The following DLGAP1 variants were observed in gnomAD, a reference collection of about 807,000 sequenced individuals.
DLGAP1 encodes the protein DLG associated protein 1, also known as disks large-associated protein 1.
Under a neutral mutation model 90.8 loss-of-function variants are expected in DLGAP1, and 11 were observed. The observed-to-expected ratio is 0.12, with a 90% CI of 0.08 to 0.20. The LOEUF is 0.20. DLGAP1 is among the 10% of genes least tolerant of loss of function. The pLI, the probability that DLGAP1 is intolerant of heterozygous loss-of-function variation, is 1.00. For synonymous variants in DLGAP1, 558 were observed against 540.7 expected (o/e 1.03, Z -0.44); for missense variants, 1,050 against 1,333.8 (o/e 0.79, Z 3.31).
chr18:3,694,531 C>T (rs150052249), intron 7 of DLGAP1, among the ~76,000 whole-genome samples: 23,592 of 152,176 alleles, frequency 0.16, 2,228 homozygotes, highest in East Asian at 0.43. Context: ...TTCTCCACAT[C>T]CTCTCCAGCA....
intron 10 of DLGAP1, among the ~76,000 whole-genome samples, chr18:3,511,210 G>T (rs1485450913): frequency 2.6e-5 from 4 of 152,114 alleles, no homozygotes; most frequent in African/African-American, 4.8e-5. Context: ...ATATTTCCTT[G>T]TCCTCCACAC....
At chr18:3,943,410 T>C (rs1319790600) in intron 3 of DLGAP1, among the ~76,000 whole-genome samples, 1 of 150,026 alleles carries the variant, frequency 6.7e-6, no homozygotes, top group Non-Finnish European at 1.5e-5. Context: ...TTTAAGGTGA[T>C]AAACTGCAAA....
chr18:3,784,696 G>A (rs984139350), intron 5 of DLGAP1, among the ~76,000 whole-genome samples: 16 of 152,330 alleles, frequency 1.1e-4, no homozygotes, highest in Admixed American at 1.0e-3. Context: ...TCCAGGCCCA[G>A]TCTGGATCCA....
At chr18:3,687,495 A>G (rs974590409) in intron 7 of DLGAP1, among the ~76,000 whole-genome samples, 2 of 152,234 alleles carry the variant, frequency 1.3e-5, no homozygotes, top group African/African-American at 4.8e-5. Context: ...AAACATGATG[A>G]TGATCTTATC....
At chr18:4,076,401 T>C (rs2075523608) in intron 2 of DLGAP1, among the ~76,000 whole-genome samples, 1 of 152,158 alleles carries the variant, frequency 6.6e-6, no homozygotes, top group South Asian at 2.1e-4. Context: ...AAATTAGATA[T>C]TGATAAGCAA....
At chr18:4,125,199 T>C (rs8087952) in intron 2 of DLGAP1, among the ~76,000 whole-genome samples, 27,812 of 152,166 alleles carry the variant, frequency 0.18, 2,640 homozygotes, top group Admixed American at 0.24. Flanking sequence ...GGGGTGCTTA[T>C]GGGTGATGGA....
intron 9 of DLGAP1, among the ~76,000 whole-genome samples, chr18:3,539,490 T>G (rs1157167263): frequency 6.6e-6 from 1 of 152,244 alleles, no homozygotes; most frequent in Non-Finnish European, 1.5e-5. Flanking sequence ...AACACAATAC[T>G]CTGTCTGTTC....
intron 3 of DLGAP1, among the ~76,000 whole-genome samples, chr18:3,967,202 A>G (rs572108287): frequency 1.3e-5 from 2 of 152,366 alleles, no homozygotes; most frequent in South Asian, 4.1e-4. Context: ...AGGGCATTCC[A>G]TAAATACTAA....
intron 8 of DLGAP1, among the ~76,000 whole-genome samples, chr18:3,581,230 C>G (rs1420943119): frequency 1.3e-5 from 2 of 152,208 alleles, no homozygotes; most frequent in Non-Finnish European, 2.9e-5. Context: ...GACACAGTCC[C>G]TCTGGGAGAG....
At chr18:3,821,751 G>T in intron 4 of DLGAP1, 1 of 270,462 alleles carries the variant, frequency 3.7e-6, no homozygotes, top group Non-Finnish European at 5.7e-6. Flanking sequence ...TGGGAGCCTT[G>T]AAGCATCCCA....
At chr18:3,734,503 C>T (rs2062566026) in intron 6 of DLGAP1, among the ~76,000 whole-genome samples, 1 of 152,020 alleles carries the variant, frequency 6.6e-6, no homozygotes, top group African/African-American at 2.4e-5. Context: ...ATTTTACTAA[C>T]CTACTTTCTA....
Position 4,438,431 on chromosome 18 carries a change from CAAAAAAAAAAAA to C in DLGAP1, c.-267+16563_-267+16574del. On this transcript the variant is annotated intron_variant, in intron 1 of 12. Transcript: ENST00000315677. ...TGGGTGACAGAGCGAGACTCCATCT[CAAAAAAAAAAAA>C]AAAAAAAAAAAGAAATCTCATCTCA... Among the ~76,000 whole-genome samples, 2 of 52,104 alleles carry C rather than the reference CAAAAAAAAAAAA, an allele frequency of 3.8e-5. 1 individual carries two copies. Among genetic ancestry groups the C allele is most frequent in the South Asian group, 2.9e-3 (2 of 682 alleles). The allele number at this position is 52,104 out of a possible 152,430, so 34.2% of individuals were successfully genotyped here.
intron 1 of DLGAP1, among the ~76,000 whole-genome samples, chr18:4,197,987 T>C (rs2077532272): frequency 1.3e-5 from 2 of 152,050 alleles, no homozygotes; most frequent in Non-Finnish European, 2.9e-5. Flanking sequence ...TTTGGGAGGC[T>C]GAGGCGGGCG....
intron 3 of DLGAP1, among the ~76,000 whole-genome samples, chr18:3,913,430 G>C (rs941963211): frequency 6.6e-6 from 1 of 152,106 alleles, no homozygotes; most frequent in Non-Finnish European, 1.5e-5. Context: ...AGCTGTTATG[G>C]AACTACAGGT....
At chr18:4,164,015 C>T (rs1234766590) in intron 1 of DLGAP1, among the ~76,000 whole-genome samples, 2 of 152,148 alleles carry the variant, frequency 1.3e-5, no homozygotes, top group Non-Finnish European at 2.9e-5. Context: ...TCATGTAGTA[C>T]TAGCACGGGT....
intron 1 of DLGAP1, among the ~76,000 whole-genome samples, chr18:4,288,474 T>C (rs1258051062): frequency 1.3e-5 from 2 of 152,188 alleles, no homozygotes; most frequent in Non-Finnish European, 1.5e-5. Context: ...TCAAAAGCTC[T>C]ACCTGGTTCC....
intron 9 of DLGAP1, among the ~76,000 whole-genome samples, chr18:3,544,622 C>A (rs2052902981): frequency 6.6e-6 from 1 of 151,768 alleles, no homozygotes; most frequent in African/African-American, 2.4e-5. Flanking sequence ...TTTTCCTGAA[C>A]CCTTGAAAAT....
intron 7 of DLGAP1, among the ~76,000 whole-genome samples, chr18:3,668,452 C>T (rs555888197): frequency 6.6e-6 from 1 of 152,256 alleles, no homozygotes; most frequent in South Asian, 2.1e-4. Flanking sequence ...GCTAGGACTA[C>T]AGGCACATGC....
At chr18:4,362,838 G>T (rs1875365644) in intron 1 of DLGAP1, among the ~76,000 whole-genome samples, 1 of 152,026 alleles carries the variant, frequency 6.6e-6, no homozygotes, top group Admixed American at 6.6e-5. Context: ...ACAAGCAACT[G>T]AAAGGCATTT....
Sources: allele counts gnomAD v4.1 joint callset (sites outside exome capture counted in the v4.1 genomes callset), GRCh38; gene constraint gnomAD v4.1.1; transcripts MANE v1.5; gene names NCBI Gene and HGNC (gene_info 2026-07-23, HGNC 2026-07-21).